The following VSX1 variants were observed in gnomAD, a reference collection of about 807,000 sequenced individuals.
VSX1 encodes visual system homeobox 1, also known as homeodomain protein RINX.
A neutral mutation model predicts 23.6 loss-of-function variants in VSX1; 23 were observed. The ratio of observed to expected loss-of-function variants is 0.97; its 90% CI spans 0.70 to 1.38. The LOEUF (loss-of-function observed/expected upper bound fraction) is 1.38. Ranked by LOEUF, VSX1 falls within the 40% of genes most tolerant of loss-of-function variation. The probability of loss-of-function intolerance (pLI) is 0.00; values close to 1 mark genes in which losing one functional copy is unlikely to be tolerated. For missense variants in VSX1, 517 were observed against 495.4 expected, an observed-to-expected ratio of 1.04 and a Z score of -0.41; for synonymous variants, 247 against 215.1, an observed-to-expected ratio of 1.15 and a Z score of -1.30.
Position 25,076,246 on chromosome 20 carries a change from T to C in VSX1, c.*15A>G, listed in dbSNP as rs1310466882. 1 of 1,613,922 alleles carries C rather than the reference T, an allele frequency of 6.2e-7. No homozygotes were observed. The highest frequency in any genetic ancestry group is 1.7e-5 in the Admixed American group (1 of 60,038). ...TATGCACATTTTCAGCCTTTGACAG[T>C]GGGACCTGTGGGTCTCATGTGGCTC... On this transcript the variant is annotated 3_prime_UTR_variant, in exon 5 of 5. Coordinates refer to ENST00000376709, the MANE Select transcript of VSX1 (RefSeq NM_014588.6).
At chr20:25,078,505 T>G in intron 3 of VSX1, 2 of 1,288,170 alleles carry the variant, frequency 1.6e-6, no homozygotes, top group African/African-American at 1.5e-5. Flanking sequence ...CCTCAGGCAT[T>G]TGTGTTGATT....
intron 4 of VSX1, among the ~76,000 whole-genome samples, chr20:25,076,821 G>T (rs1487766895): frequency 6.6e-6 from 1 of 152,194 alleles, no homozygotes; most frequent in Non-Finnish European, 1.5e-5. Context: ...TCTCGCAGAT[G>T]CCAGTAAGTG....
Position 25,082,046 on chromosome 20 carries a change from C to T in VSX1, c.51G>A (p.Leu17=), listed in dbSNP as rs1335744298. The T allele has an allele frequency of 6.5e-7, 1 of 1,538,256 alleles. No individual in the cohort carries two copies. Among genetic ancestry groups the T allele is most frequent in the Non-Finnish European group, 8.7e-7 (1 of 1,148,362 alleles). The change falls in exon 1 of 5, where the codon CTG becomes CTA. Residue 17 remains leucine, a synonymous_variant. Transcript: ENST00000376709. ...LSDGRTSSRA[L]VPGGSPRGSR... is the part of the protein sequence containing the mutation. ...AGCCCCTAGGGGAACCGCCAGGCAC[C>T]AGCGCCCTGCTGCTAGTGCGCCCGT...
chr20:25,074,660 C>A (rs1208261763), downstream of VSX1, among the ~76,000 whole-genome samples: 23 of 152,024 alleles, frequency 1.5e-4, no homozygotes, highest in Admixed American at 1.5e-3. Flanking sequence ...AATAAATAAG[C>A]CTTACTGTTA....
At position 25,076,580 on chromosome 20, in the gene VSX1, A is replaced by G. The variant is rs774353406; in HGVS notation, c.809-30T>C. 1.5e-5 allele frequency: 24 copies of G among 1,565,766 alleles called. No homozygotes were observed. In the East Asian group the frequency reaches 5.6e-4, roughly 37 times the overall value. On this transcript the variant is annotated intron_variant, in intron 4 of 4. Coordinates refer to ENST00000376709, the MANE Select transcript of VSX1 (RefSeq NM_014588.6). The stretch of plus-strand genomic sequence containing the variant: ...TAAAAAAAAAAATAAAAAGGAAAAA[A>G]TAAAAATAAAAATTTAAATTCAGCA...
At chr20:25,079,197 T>G (rs2089584322) in intron 2 of VSX1, among the ~76,000 whole-genome samples, 1 of 152,332 alleles carries the variant, frequency 6.6e-6, no homozygotes, top group Admixed American at 6.5e-5. Flanking sequence ...ATTTGACAGA[T>G]CCACAAAATT....
chr20:25,072,820 G>A (rs929413794), downstream of VSX1, among the ~76,000 whole-genome samples: 3 of 152,164 alleles, frequency 2.0e-5, no homozygotes, highest in African/African-American at 7.2e-5. Flanking sequence ...CTCAAGTCCT[G>A]AGATGCTGCC....
At chr20:25,077,930 G>T (rs1031317260) in intron 3 of VSX1, 65 bp from the exon 4 acceptor site, 1 of 1,525,576 alleles carries the variant, frequency 6.6e-7, no homozygotes, top group Non-Finnish European at 8.9e-7. Flanking sequence ...GCCTGGAGGA[G>T]CGGAGGCGGC....
downstream of VSX1, chr20:25,072,777 T>C (rs1039496103): frequency 2.3e-6 from 1 of 432,972 alleles, no homozygotes; most frequent in Non-Finnish European, 4.7e-6. Context: ...TCTTCTATCA[T>C]TTCTGAAAAT....
At chr20:25,073,245 A>T (rs950812989), downstream of VSX1, among the ~76,000 whole-genome samples, 3 of 152,076 alleles carry the variant, frequency 2.0e-5, no homozygotes, top group African/African-American at 4.8e-5. Context: ...TATTAATATT[A>T]AAAATTATTT....
rs12480307 is a variant in VSX1 at position 25,078,910 on chromosome 20, T to C, written c.546A>G (p.Ala182=). ...CATCAGGGTAGTGGGCCTCGCTGAA[T>C]GCCTTCTCCAACTCTTCCAGCTGGT... is the stretch of plus-strand genomic sequence containing the variant. The part of the protein sequence containing the change: ...TAHQLEELEK[A]FSEAHYPDVY... The change falls in exon 3 of 5, where the codon GCA becomes GCG. Residue 182 remains alanine, a synonymous_variant. Coordinates refer to ENST00000376709, the MANE Select transcript of VSX1 (RefSeq NM_014588.6). The C allele has an allele frequency of 0.24, 391,288 of 1,613,882 alleles. 51,842 individuals are homozygous for C. Among genetic ancestry groups the C allele is most frequent in the African/African-American group, 0.44 (33,328 of 74,904 alleles).
chr20:25,079,436 C>G lies in VSX1; in HGVS notation c.503G>C (p.Arg168Thr), dbSNP rs776340936. ...CAGAGGGGACTGCCTGGCCCTATAC[C>G]TGTGCCGCCGCTTCTTCCTCTTGCC... Reference protein sequence around the residue: ...TLGKRKKRRHRTVFTAHQLEE... With the variant: ...TLGKRKKRRHTTVFTAHQLEE... The change falls in exon 2 of 5, where the codon AGG becomes ACG. Residue 168 changes from arginine (R) to threonine (T), a missense_variant and splice_region_variant. By Grantham distance (71) the Arg-to-Thr change is moderately conservative. Transcript: ENST00000376709. 1 of 1,611,178 alleles carries G rather than the reference C, an allele frequency of 6.2e-7. No individual in the cohort carries two copies.
rs1173988240 is a variant in VSX1 at position 25,082,087 on chromosome 20, G to A, written c.10C>T (p.Arg4Trp). The change falls in exon 1 of 5, where the codon CGG (arginine) becomes TGG (tryptophan). Residue 4 changes from arginine to tryptophan, a missense_variant. Physicochemically the swap from Arg to Trp is moderately radical, Grantham distance 101. Coordinates refer to ENST00000376709, the MANE Select transcript of VSX1 (RefSeq NM_014588.6). ...GTGCGCCCGTCGGAAAGCGAGTCCC[G>A]GCCGGTCATGGTTCCTTAGCAAGCA... MTG[R>W]DSLSDGRTSS... is the part of the protein sequence containing the mutation. The A allele has an allele frequency of 1.3e-6, 2 of 1,537,684 alleles. No homozygotes were observed. The highest frequency in any genetic ancestry group is 1.2e-5 in the South Asian group (1 of 84,252).
downstream of VSX1, chr20:25,071,313 T>C: frequency 2.2e-6 from 1 of 454,070 alleles, no homozygotes; most frequent in Middle Eastern, 6.9e-4. Context: ...TTGGGGGAAC[T>C]CTTAAGTTGG....
At chr20:25,079,221 T>C (rs6050303) in intron 2 of VSX1, among the ~76,000 whole-genome samples, 11,007 of 152,196 alleles carry the variant, frequency 0.072, 1,289 homozygotes, top group African/African-American at 0.25. Context: ...TTTAAAATGC[T>C]CCCAAAAAAA....
Position 25,081,908 on chromosome 20 carries a change from G to A in VSX1, c.189C>T (p.Cys63=). The change falls in exon 1 of 5, where the codon TGC becomes TGT. Residue 63 remains cysteine, a synonymous_variant. Coordinates refer to ENST00000376709, the MANE Select transcript of VSX1 (RefSeq NM_014588.6). Reference sequence around the variant, plus strand: ...TGGAGCCGTCAAGCCCCGGGCCCGGGCACGGCGCGACTGCCGGACCCTCGC... The same window carrying A: ...TGGAGCCGTCAAGCCCCGGGCCCGGACACGGCGCGACTGCCGGACCCTCGC... ...SGCEGPAVAP[C]PGPGLDGSSL... is the part of the protein sequence containing the mutation. The A allele has an allele frequency of 6.5e-7, 1 of 1,528,946 alleles. No individual in the cohort carries two copies. Among genetic ancestry groups the A allele is most frequent in the Non-Finnish European group, 8.7e-7 (1 of 1,144,244 alleles). The allele number at this position is 1,528,946 out of a possible 1,614,324, so 94.7% of individuals were successfully genotyped here. A position where few individuals can be genotyped will look rare whatever the true frequency, so the allele number is the denominator to read the frequency against.
At position 25,076,356 on chromosome 20, in the gene VSX1, C is replaced by G; in HGVS notation, c.1003G>C (p.Glu335Gln). 1 of 1,614,178 alleles carries G rather than the reference C, an allele frequency of 6.2e-7. No individual in the cohort carries two copies. Among genetic ancestry groups the G allele is most frequent in the Non-Finnish European group, 8.5e-7 (1 of 1,180,032 alleles). ...GCCCCAGGGTGCACTTTCTTGGTCT[C>G]CTGCCGGGCAGAGCTGGAGAGGTCA... Reference protein sequence around the residue: ...AIDLSSSARQETKKVHPGAGA... With the variant: ...AIDLSSSARQQTKKVHPGAGA... Residue 335 changes from glutamate (E) to glutamine (Q), a missense_variant, in exon 5 of 5, where the codon GAG becomes CAG. By Grantham distance (29) the Glu-to-Gln change is conservative (BLOSUM62 2). Transcript: ENST00000376709.
intron 1 of VSX1, chr20:25,081,469 A>G (rs747408116): frequency 2.0e-5 from 17 of 856,424 alleles, no homozygotes; most frequent in Non-Finnish European, 3.0e-5. Context: ...AGGACCCCGG[A>G]TGAGAGGCAG....
downstream of VSX1, chr20:25,071,628 G>A: frequency 1.8e-6 from 1 of 554,482 alleles, no homozygotes; most frequent in East Asian, 4.3e-5. Flanking sequence ...ATAAGGAGGG[G>A]AGTTTCTGTA....
Sources: allele counts gnomAD v4.1 joint callset (sites outside exome capture counted in the v4.1 genomes callset), GRCh38; gene constraint gnomAD v4.1.1; transcripts MANE v1.5; gene names NCBI Gene and HGNC (gene_info 2026-07-23, HGNC 2026-07-21).